The following MGST1 variants were observed in gnomAD, a reference collection of about 807,000 sequenced individuals.
MGST1 encodes glutathione S-transferase 12.
MGST1 carries 5 observed loss-of-function variants against 8.9 expected under a neutral mutation model. That is an observed-to-expected ratio of 0.56 (90% CI 0.29 to 1.19). The LOEUF is 1.19. Ranked by LOEUF, MGST1 falls within the 50% of genes most tolerant of loss-of-function variation. MGST1 has a pLI of 0.08. For synonymous variants in MGST1, 54 were observed against 67.8 expected, an observed-to-expected ratio of 0.80 and a Z score of 1.00; for missense variants, 182 against 187.4, an observed-to-expected ratio of 0.97 and a Z score of 0.17.
chr12:16,573,750 A>G (rs1452490888), intron 4 of MGST1: 1 of 152,190 alleles, frequency 6.6e-6, no homozygotes, highest in East Asian at 1.9e-4. Context: ...ATTGCAAAAC[A>G]AGGCCGTTAC....
At position 16,507,050 on chromosome 12, in the gene MGST1, T is replaced by G. The variant is rs117584830; in HGVS notation, n.483-82478T>G. On this transcript the variant is annotated intron_variant and non_coding_transcript_variant, in intron 4 of 4. Coordinates refer to the MGST1 transcript ENST00000538857. ...CTTTCCTATACTTGCTGTAACCACATGGATTTGTGGAAGTACATAGGAGGG... is the reference window on the plus strand; with the variant it reads ...CTTTCCTATACTTGCTGTAACCACAGGGATTTGTGGAAGTACATAGGAGGG... Among the ~76,000 whole-genome samples, 897 of 152,200 alleles carry G rather than the reference T, an allele frequency of 5.9e-3. 6 individuals carry two copies. The highest frequency in any genetic ancestry group is 0.02 in the Middle Eastern group (6 of 294).
intron 3 of MGST1, among the ~76,000 whole-genome samples, chr12:16,375,696 C>T (rs544577752): frequency 3.9e-4 from 59 of 151,958 alleles, no homozygotes; most frequent in African/African-American, 1.4e-3. Flanking sequence ...TACGTAGAAA[C>T]TCTGTACTAC....
chr12:16,530,576 C>T (rs1365697576), intron 4 of MGST1, among the ~76,000 whole-genome samples: 2 of 152,068 alleles, frequency 1.3e-5, no homozygotes, highest in Non-Finnish European at 1.5e-5. Flanking sequence ...AAAGAAGTGA[C>T]CCACTGAGGC....
intron 1 of MGST1, among the ~76,000 whole-genome samples, chr12:16,425,759 AC>A (rs1940880092): frequency 6.6e-6 from 1 of 152,116 alleles, no homozygotes; most frequent in Non-Finnish European, 1.5e-5. Context: ...CTACTGCCCC[AC>A]TGGGCATTTC....
At chr12:16,385,435 T>C (rs1940495948) in intron 1 of MGST1, among the ~76,000 whole-genome samples, 1 of 127,246 alleles carries the variant, frequency 7.9e-6, no homozygotes, top group South Asian at 2.5e-4. Context: ...TGTGCATGAA[T>C]TGTATATAAT....
At chr12:16,460,957 AC>A (rs1300693828) in intron 4 of MGST1, among the ~76,000 whole-genome samples, 1 of 152,028 alleles carries the variant, frequency 6.6e-6, no homozygotes, top group African/African-American at 2.4e-5. Context: ...TAATTATGTG[AC>A]CTTTTTGCAG....
rs1420292761 is a variant in MGST1, at chr12:16,585,446, G to C, written n.483-4082G>C. ...TGCTACCATCTTCATCCTACACAGTGAGCATAAATGTTGTTTCAAATATTG... is the reference window on the plus strand; with the variant it reads ...TGCTACCATCTTCATCCTACACAGTCAGCATAAATGTTGTTTCAAATATTG... On this transcript the variant is annotated intron_variant and non_coding_transcript_variant, in intron 4 of 4. Coordinates refer to the MGST1 transcript ENST00000538857. This position sits in a 1 kb window ranked among gnomAD's most constrained non-coding sequence, Gnocchi z 4.7. Among the ~76,000 whole-genome samples the C allele has an allele frequency of 6.6e-6, 1 of 152,142 alleles. No homozygotes were observed. The highest frequency in any genetic ancestry group is 1.5e-5 in the Non-Finnish European group (1 of 68,022).
chr12:16,470,187 A>G (rs890464080), intron 4 of MGST1, among the ~76,000 whole-genome samples: 8 of 152,242 alleles, frequency 5.3e-5, no homozygotes, highest in Non-Finnish European at 7.3e-5. Context: ...AACTTTCTAC[A>G]TAAAAAAAAA....
intron 1 of MGST1, among the ~76,000 whole-genome samples, chr12:16,403,263 T>G (rs1365564948): frequency 6.6e-6 from 1 of 152,174 alleles, no homozygotes; most frequent in Non-Finnish European, 1.5e-5. Context: ...CATATAGACA[T>G]GTGTTATTAA....
chr12:16,422,147 G>A (rs373011259), intron 1 of MGST1, among the ~76,000 whole-genome samples: 2 of 152,108 alleles, frequency 1.3e-5, no homozygotes, highest in African/African-American at 4.8e-5. Context: ...TCAACTGACT[G>A]GTTAACTCTA....
At chr12:16,354,496 T>C in intron 2 of MGST1, 118 bp downstream of exon 2, 1 of 960,096 alleles carries the variant, frequency 1.0e-6, no homozygotes, top group Non-Finnish European at 1.5e-6. Flanking sequence ...TTTTATGCTG[T>C]AAGTGAAGTA....
intron 1 of MGST1, among the ~76,000 whole-genome samples, chr12:16,394,548 T>C (rs776540947): frequency 0.11 from 8,783 of 81,476 alleles, 639 homozygotes; most frequent in East Asian, 0.44. Flanking sequence ...CTTTCTTTCT[T>C]TCTTTCTTTC....
At chr12:16,354,183 T>G in intron 1 of MGST1, 48 bp from the exon 2 acceptor site, 1 of 1,338,486 alleles carries the variant, frequency 7.5e-7, no homozygotes, top group Non-Finnish European at 1.0e-6. Context: ...TCCAGTTATT[T>G]TGGGTATTTA....
At chr12:16,422,174 GTTC>G (rs1366600715) in intron 1 of MGST1, among the ~76,000 whole-genome samples, 4 of 152,182 alleles carry the variant, frequency 2.6e-5, no homozygotes, top group Non-Finnish European at 4.4e-5. Flanking sequence ...TGGTGATTAA[GTTC>G]TTCTTCTGTG....
rs577799642 is a variant in MGST1, at chr12:16,390,042, A to C, written n.778+6438A>C. Reference sequence around the variant, plus strand: ...TTGATATGTTCACATTTATGTGGCAAGCGCTCCAAAAGGGAGGCCCTAAAT... The same window carrying C: ...TTGATATGTTCACATTTATGTGGCACGCGCTCCAAAAGGGAGGCCCTAAAT... On this transcript the variant is annotated intron_variant and non_coding_transcript_variant, in intron 1 of 1. Coordinates refer to the MGST1 transcript ENST00000359720. Among the ~76,000 whole-genome samples the C allele has an allele frequency of 6.6e-5, 10 of 152,352 alleles. No individual in the cohort carries two copies. The South Asian group carries it at 2.1e-3, about 32-fold the overall frequency.
intron 4 of MGST1, among the ~76,000 whole-genome samples, chr12:16,453,692 C>A (rs901554707): frequency 4.6e-5 from 7 of 151,860 alleles, no homozygotes; most frequent in African/African-American, 1.7e-4. Flanking sequence ...CTGTTCCATG[C>A]CTATCCCCTG....
chr12:16,450,557 A>T (rs945208993), intron 4 of MGST1, among the ~76,000 whole-genome samples: 1 of 151,924 alleles, frequency 6.6e-6, no homozygotes, highest in African/African-American at 2.4e-5. Flanking sequence ...GGAGTGAGAA[A>T]ATACTGTAAC....
intron 4 of MGST1, among the ~76,000 whole-genome samples, chr12:16,533,773 G>C (rs1941737806): frequency 6.6e-6 from 1 of 152,098 alleles, no homozygotes; most frequent in African/African-American, 2.4e-5. Context: ...ACGTGAATGT[G>C]GTGGTAAACA....
intron 4 of MGST1, among the ~76,000 whole-genome samples, chr12:16,465,095 TAAAAGCTTTCTTTATTGACTTAAA>T (rs2137128791): frequency 6.6e-6 from 1 of 152,286 alleles, no homozygotes; most frequent in African/African-American, 2.4e-5. Flanking sequence ...GGTGTGAGAC[TAAAAGCTTTCTTTATTGACTTAAA>T]TTTGAGTAAT....
Sources: gnomAD v4.1 joint callset for allele counts (sites outside exome capture counted in the v4.1 genomes callset) on GRCh38, gnomAD v4.1.1 for gene constraint, Gnocchi (gnomAD v3.1) non-coding constraint, MANE v1.5 for transcripts, NCBI Gene and HGNC (gene_info 2026-07-23, HGNC 2026-07-21) for gene names.